Variants in PHF21A observed in about 807,000 individuals in gnomAD.
The protein encoded by PHF21A is BHC80a.
In PHF21A, 11 loss-of-function variants were observed where a neutral mutation model predicts 82.5. The observed-to-expected ratio is 0.13, with a 90% CI of 0.08 to 0.22. The LOEUF (loss-of-function observed/expected upper bound fraction) is 0.22, where lower values mean the gene tolerates loss of function less well. Ranked by LOEUF, PHF21A falls within the 10% of genes least tolerant of loss-of-function variation. The probability of loss-of-function intolerance (pLI) is 1.00; values close to 1 mark genes in which losing one functional copy is unlikely to be tolerated. For missense variants in PHF21A, 579 were observed against 837.8 expected (o/e 0.69, Z 3.81); for synonymous variants, 297 against 302.8 (o/e 0.98, Z 0.20).
chr11:45,978,885 T>G (rs973071822), intron 7 of PHF21A, among the ~76,000 whole-genome samples: 2 of 152,212 alleles, frequency 1.3e-5, no homozygotes, highest in African/African-American at 4.8e-5. Context: ...AGAATTTTAT[T>G]AAGCTCCCAT....
chr11:45,997,533 G>A (rs1360252568), intron 6 of PHF21A, among the ~76,000 whole-genome samples: 2 of 152,146 alleles, frequency 1.3e-5, no homozygotes, highest in African/African-American at 2.4e-5. Context: ...GTTTCTCAAT[G>A]TCTAGATCCA....
At chr11:45,967,398 A>C (rs996548551) in intron 9 of PHF21A, among the ~76,000 whole-genome samples, 22 of 152,106 alleles carry the variant, frequency 1.4e-4, no homozygotes, top group Non-Finnish European at 2.9e-5. Context: ...CTTATTGCTA[A>C]ATCAAATCTG....
At chr11:45,935,424 A>G in intron 18 of PHF21A, 1 of 695,056 alleles carries the variant, frequency 1.4e-6, no homozygotes, top group Non-Finnish European at 2.4e-6. Flanking sequence ...AGGATGTTAC[A>G]GAGCTTGGGT....
intron 6 of PHF21A, among the ~76,000 whole-genome samples, chr11:46,038,123 T>C (rs1012270758): frequency 6.6e-6 from 1 of 151,834 alleles, no homozygotes. Flanking sequence ...TTTCTCTCTC[T>C]CTCTCTTTTT....
rs1028506427 is a variant in PHF21A at position 46,066,280 on chromosome 11, G to C, written c.153+10474C>G. ...ATTCTGATTACTGATATAGGTATTA[G>C]TTACCTAGTGGTTTCAGTGTGTAAT... On this transcript the variant is annotated intron_variant, in intron 6 of 18. Coordinates refer to ENST00000676320, the MANE Select transcript of PHF21A (RefSeq NM_001352027.3). 2.0e-5 allele frequency among the ~76,000 whole-genome samples: 3 copies of C among 152,094 alleles called. No homozygotes were observed. The East Asian group carries it at 5.8e-4, about 29-fold the overall frequency.
chr11:46,112,571 T>C (rs1251084829), intron 1 of PHF21A, among the ~76,000 whole-genome samples: 1 of 152,246 alleles, frequency 6.6e-6, no homozygotes, highest in Non-Finnish European at 1.5e-5. Context: ...CCTCTTTCTC[T>C]GCCTCAGACT....
intron 6 of PHF21A, among the ~76,000 whole-genome samples, chr11:46,056,210 T>C (rs374507344): frequency 9.9e-5 from 15 of 152,142 alleles, no homozygotes; most frequent in African/African-American, 2.2e-4. Context: ...TTAAGTTAGA[T>C]AGCAATTTAG....
chr11:46,013,926 A>G (rs919744235), intron 6 of PHF21A, among the ~76,000 whole-genome samples: 3 of 152,236 alleles, frequency 2.0e-5, no homozygotes, highest in Non-Finnish European at 2.9e-5. Flanking sequence ...GTGAAAGCCT[A>G]ACACATTACT....
In PHF21A at chr11:46,023,573, A is replaced by AG. The variant is rs199611691; in HGVS notation, c.154-43608dup. ...AAGGTGTGTTCCTGAAAAAGAGGTT[A>AG]GTAAGTTTACCAAATACCAAGTTAA... is the stretch of plus-strand genomic sequence containing the variant. On this transcript the variant is annotated intron_variant, in intron 6 of 18. Coordinates refer to ENST00000676320, the MANE Select transcript of PHF21A (RefSeq NM_001352027.3). Among the ~76,000 whole-genome samples, 1,299 of 152,376 alleles carry AG rather than the reference A, an allele frequency of 8.5e-3. 20 individuals carry two copies. Among genetic ancestry groups the AG allele is most frequent in the African/African-American group, 0.029 (1,214 of 41,588 alleles).
At chr11:46,002,733 A>T (rs1278421486) in intron 6 of PHF21A, among the ~76,000 whole-genome samples, 1 of 152,192 alleles carries the variant, frequency 6.6e-6, no homozygotes, top group African/African-American at 2.4e-5. Flanking sequence ...ACAATTTTGC[A>T]CACATTTCAG....
At chr11:45,940,411 G>C (rs2090125707) in intron 15 of PHF21A, among the ~76,000 whole-genome samples, 1 of 152,020 alleles carries the variant, frequency 6.6e-6, no homozygotes, top group African/African-American at 2.4e-5. Flanking sequence ...GGTCAGGCTG[G>C]TCTCGAACTC....
At position 46,007,199 on chromosome 11, in the gene PHF21A, T is replaced by C. The variant is rs539269199; in HGVS notation, c.154-27233A>G. On this transcript the variant is annotated intron_variant, in intron 6 of 18. Transcript: ENST00000676320. ...TGTTCAAAAACATGCAAAGTGATAG[T>C]GAGGTTCTAAGAGATGAGAAAAGGG... Among the ~76,000 whole-genome samples the C allele has an allele frequency of 8.7e-4, 133 of 152,246 alleles. 1 individual carries two copies. In the South Asian group the frequency reaches 0.026, roughly 30 times the overall value.
At chr11:46,045,828 G>A (rs958649728) in intron 6 of PHF21A, among the ~76,000 whole-genome samples, 1 of 152,236 alleles carries the variant, frequency 6.6e-6, no homozygotes, top group Admixed American at 6.5e-5. Context: ...GCAGGCAGGT[G>A]TCTTAGTAAG....
intron 13 of PHF21A, 54 bp downstream of exon 13, chr11:45,949,348 G>A: frequency 7.0e-7 from 1 of 1,424,646 alleles, no homozygotes; most frequent in Non-Finnish European, 9.9e-7. Context: ...GCACTGAACA[G>A]CTCATAAATA....
intron 6 of PHF21A, among the ~76,000 whole-genome samples, chr11:45,990,096 A>T (rs1488065654): frequency 1.3e-5 from 2 of 152,246 alleles, no homozygotes; most frequent in East Asian, 3.9e-4. Flanking sequence ...TAATTACAAA[A>T]TCTAATCCAC....
rs1482701562 is a variant in PHF21A at position 45,936,398 on chromosome 11, A to C, written c.1684+96T>G. 9 of 767,420 alleles carry C rather than the reference A, an allele frequency of 1.2e-5. No homozygotes were observed. In the Admixed American group the frequency reaches 2.2e-4, roughly 19 times the overall value. The allele number at this position is 767,420 out of a possible 1,614,324, so 47.5% of individuals were successfully genotyped here. ...TAAGGGCAAAAGGTTTTCATTTTTA[A>C]ATTTAAATTCCCTTTTGAGAATAAA... On this transcript the variant is annotated intron_variant, in intron 17 of 18. Coordinates refer to ENST00000676320, the MANE Select transcript of PHF21A (RefSeq NM_001352027.3).
intron 6 of PHF21A, among the ~76,000 whole-genome samples, chr11:46,036,120 G>C (rs2095997769): frequency 6.6e-6 from 1 of 152,192 alleles, no homozygotes; most frequent in South Asian, 2.1e-4. Flanking sequence ...GAAGAAGACT[G>C]GCAGAACATG....
intron 6 of PHF21A, among the ~76,000 whole-genome samples, chr11:46,052,292 T>A (rs1039491249): frequency 6.6e-6 from 1 of 152,220 alleles, no homozygotes; most frequent in African/African-American, 2.4e-5. Flanking sequence ...TGTAAGCAAA[T>A]GAAGCCAAAA....
At chr11:46,058,201 C>T (rs913529809) in intron 6 of PHF21A, among the ~76,000 whole-genome samples, 3 of 152,132 alleles carry the variant, frequency 2.0e-5, no homozygotes, top group Admixed American at 1.3e-4. Flanking sequence ...GGTTAAACTG[C>T]TAATATTCTT....
Sources: allele counts gnomAD v4.1 joint callset (sites outside exome capture counted in the v4.1 genomes callset), GRCh38; gene constraint gnomAD v4.1.1; transcripts MANE v1.5; gene names NCBI Gene and HGNC (gene_info 2026-07-23, HGNC 2026-07-21).